The following MOB3B variants were observed in gnomAD, a reference collection of about 807,000 sequenced individuals.
The protein encoded by MOB3B is MOB kinase activator 3B.
In MOB3B, 7 loss-of-function variants were observed where a neutral mutation model predicts 18.7. That is an observed-to-expected ratio of 0.37 (90% CI 0.21 to 0.70). The LOEUF is 0.70. Ranked by LOEUF, MOB3B falls within the 30% of genes least tolerant of loss-of-function variation. The pLI is 0.52. For synonymous variants in MOB3B, 111 were observed against 99.9 expected (o/e 1.11, Z -0.66); for missense variants, 253 against 281.3 (o/e 0.90, Z 0.72).
intron 2 of MOB3B, among the ~76,000 whole-genome samples, chr9:27,387,179 A>G (rs540280301): frequency 6.6e-6 from 1 of 152,358 alleles, no homozygotes; most frequent in East Asian, 1.9e-4. Flanking sequence ...TAAATGAATA[A>G]TCATTCATTT....
intron 3 of MOB3B, among the ~76,000 whole-genome samples, chr9:27,356,903 C>A (rs1018197782): frequency 6.6e-6 from 1 of 151,494 alleles, no homozygotes; most frequent in Non-Finnish European, 1.5e-5. Flanking sequence ...GGCTGTTTAC[C>A]CAAAACAGCC....
At chr9:27,492,781 T>A (rs2643802) in intron 1 of MOB3B, among the ~76,000 whole-genome samples, 2 of 151,934 alleles carry the variant, frequency 1.3e-5, no homozygotes, top group African/African-American at 4.9e-5. Flanking sequence ...TTCAGGGATA[T>A]GTCTCCAATG....
intron 1 of MOB3B, among the ~76,000 whole-genome samples, chr9:27,493,296 AC>A (rs1465021601): frequency 1.3e-5 from 2 of 152,332 alleles, no homozygotes; most frequent in Non-Finnish European, 2.9e-5. Context: ...CCAAATTAAT[AC>A]TTTTATAATT....
intron 1 of MOB3B, among the ~76,000 whole-genome samples, chr9:27,488,982 A>T (rs573000897): frequency 6.6e-6 from 1 of 152,244 alleles, no homozygotes; most frequent in Non-Finnish European, 1.5e-5. Flanking sequence ...TACACAGACT[A>T]AAAGAGTGAG....
chr9:27,449,676 A>T (rs895003967), intron 2 of MOB3B, among the ~76,000 whole-genome samples: 4 of 152,298 alleles, frequency 2.6e-5, no homozygotes, highest in Non-Finnish European at 5.9e-5. Flanking sequence ...GAGACATACA[A>T]TAGAAAATAA....
chr9:27,382,661 T>A (rs1324828934), intron 2 of MOB3B, among the ~76,000 whole-genome samples: 1 of 151,832 alleles, frequency 6.6e-6, no homozygotes, highest in Non-Finnish European at 1.5e-5. Flanking sequence ...AAAAACCCGA[T>A]AAATGTGAAC....
chr9:27,376,474 C>T (rs541085880), intron 2 of MOB3B, among the ~76,000 whole-genome samples: 47 of 152,076 alleles, frequency 3.1e-4, no homozygotes, highest in East Asian at 7.7e-4. Context: ...TGCATGCTGC[C>T]GTTAGAAAAA....
intron 1 of MOB3B, among the ~76,000 whole-genome samples, chr9:27,463,469 C>A (rs1262107455): frequency 6.6e-6 from 1 of 151,998 alleles, no homozygotes; most frequent in Non-Finnish European, 1.5e-5. Flanking sequence ...CTGGGGTACA[C>A]CTAAGGGGGT....
intron 3 of MOB3B, among the ~76,000 whole-genome samples, chr9:27,331,810 A>G (rs1003787118): frequency 6.6e-5 from 10 of 152,218 alleles, no homozygotes; most frequent in Admixed American, 3.9e-4. Context: ...CACACCTTAT[A>G]TAATAGGAAA....
At chr9:27,340,533 T>G (rs1342115360) in intron 3 of MOB3B, among the ~76,000 whole-genome samples, 2 of 152,192 alleles carry the variant, frequency 1.3e-5, no homozygotes, top group Non-Finnish European at 2.9e-5. Context: ...AAACTGTTTG[T>G]GGTCACTGTA....
intron 3 of MOB3B, among the ~76,000 whole-genome samples, chr9:27,342,054 T>C (rs1299492217): frequency 6.6e-6 from 1 of 152,206 alleles, no homozygotes; most frequent in Admixed American, 6.5e-5. Context: ...ACAAGTTTTA[T>C]TGGAGTAAGC....
chr9:27,458,221 C>T (rs1205331929), intron 1 of MOB3B, among the ~76,000 whole-genome samples: 1 of 152,094 alleles, frequency 6.6e-6, no homozygotes, highest in East Asian at 1.9e-4. Flanking sequence ...GCCATACATA[C>T]CCTTGGTGCC....
Position 27,359,232 on chromosome 9 carries a change from AAC to A in MOB3B, c.421_422del (p.Val141SerfsTer104). On this transcript the variant is annotated frameshift_variant and splice_region_variant, in exon 3 of 4. Transcript: ENST00000262244. LOFTEE classifies it high-confidence loss of function. ...TCTGAAGGAAGTTCTTTGGGAAGGG[AAC>A]ACCTAGAGAAGAAAAAAAGAAGAAA... is the stretch of plus-strand genomic sequence containing the variant. Reference protein sequence around the residue: ...NEEIFPTCVGVPFPKNFLQIC... With the variant: ...NEEIFPTCVGXPFPKNFLQIC... 6.2e-7 allele frequency: 1 copy of A among 1,613,968 alleles called. No homozygotes were observed. Among genetic ancestry groups the A allele is most frequent in the Non-Finnish European group, 8.5e-7 (1 of 1,179,836 alleles).
At chr9:27,519,544 C>T (rs759708341) in intron 1 of MOB3B, among the ~76,000 whole-genome samples, 4 of 152,138 alleles carry the variant, frequency 2.6e-5, no homozygotes, top group Non-Finnish European at 2.9e-5. Context: ...TAAGAGAAAG[C>T]AAACAAGCCA....
intron 2 of MOB3B, among the ~76,000 whole-genome samples, chr9:27,418,081 G>A: frequency 3.9e-5 from 2 of 51,290 alleles, no homozygotes; most frequent in Admixed American, 2.8e-4. Context: ...GACAGGGTGA[G>A]ACTCCACCTC....
chr9:27,457,222 T>G (rs1388291700), intron 1 of MOB3B, among the ~76,000 whole-genome samples: 1 of 152,240 alleles, frequency 6.6e-6, no homozygotes, highest in South Asian at 2.1e-4. Context: ...AAAGCTTCTA[T>G]CCACATATTC....
chr9:27,398,710 C>T (rs761771444), intron 2 of MOB3B, among the ~76,000 whole-genome samples: 9 of 152,136 alleles, frequency 5.9e-5, no homozygotes, highest in Admixed American at 1.3e-4. Context: ...CACTGTGACG[C>T]AGAAATACTG....
At chr9:27,511,934 G>C (rs1820152509) in intron 1 of MOB3B, among the ~76,000 whole-genome samples, 1 of 152,098 alleles carries the variant, frequency 6.6e-6, no homozygotes, top group Non-Finnish European at 1.5e-5. Context: ...TACATTTCCT[G>C]GCATCCCTCG....
intron 2 of MOB3B, chr9:27,394,285 C>T (rs1821769935): frequency 6.6e-6 from 1 of 152,056 alleles, no homozygotes; most frequent in Non-Finnish European, 1.5e-5. Flanking sequence ...TTGGAAGTGG[C>T]TCTAATCTGT....
Sources: gnomAD v4.1 joint callset for allele counts (sites outside exome capture counted in the v4.1 genomes callset) on GRCh38, gnomAD v4.1.1 for gene constraint, MANE v1.5 for transcripts, NCBI Gene and HGNC (gene_info 2026-07-23, HGNC 2026-07-21) for gene names.